The following CD226 variants were observed in gnomAD, a reference collection of about 807,000 sequenced individuals.
CD226 encodes the protein CD226 antigen.
Under a neutral mutation model 34.9 loss-of-function variants are expected in CD226, and 24 were observed. The observed-to-expected ratio is 0.69, with a 90% CI of 0.50 to 0.97. The LOEUF is 0.97. Ranked by LOEUF, CD226 falls within the 50% of genes least tolerant of loss-of-function variation. CD226 has a pLI of 0.00. For missense variants in CD226, 397 were observed against 412.7 expected, an observed-to-expected ratio of 0.96 and a Z score of 0.33; for synonymous variants, 148 against 147.4, an observed-to-expected ratio of 1.00 and a Z score of -0.03.
chr18:69,914,324 A>G (rs920978774), intron 2 of CD226, among the ~76,000 whole-genome samples: 1 of 152,206 alleles, frequency 6.6e-6, no homozygotes, highest in South Asian at 2.1e-4. Flanking sequence ...GACAAAGAGG[A>G]GCTTGGTTCA....
intron 2 of CD226, among the ~76,000 whole-genome samples, chr18:69,925,146 G>A (rs2055506342): frequency 6.6e-6 from 1 of 152,174 alleles, no homozygotes; most frequent in African/African-American, 2.4e-5. Context: ...ATGCACTTCC[G>A]ATATTTGCAA....
chr18:69,930,998 G>A (rs2055582433), intron 2 of CD226, among the ~76,000 whole-genome samples: 1 of 152,090 alleles, frequency 6.6e-6, no homozygotes, highest in Non-Finnish European at 1.5e-5. Context: ...GTCCAACAAC[G>A]ATAGACTGGA....
rs1325042170 is a variant in CD226 at position 69,855,246 on chromosome 18, ATATGT to A, written c.*9063_*9067del. The A allele has an allele frequency of 2.6e-5, 4 of 152,226 alleles. No individual in the cohort carries two copies. The highest frequency in any genetic ancestry group is 5.9e-5 in the Non-Finnish European group (4 of 68,042). 9.4% of individuals were successfully genotyped at this position (152,226 alleles called of 1,614,324 possible). ...TTATCAGACATGGAACTTATCATTA[ATATGT>A]TAAGAGCTCTCATGAAAAAAATAGA... On this transcript the variant is annotated 3_prime_UTR_variant, in exon 6 of 6. Transcript: ENST00000582621.
chr18:69,914,394 T>G (rs897862164), intron 2 of CD226, among the ~76,000 whole-genome samples: 1 of 152,218 alleles, frequency 6.6e-6, no homozygotes. Flanking sequence ...AATTATTCCA[T>G]TGAGTTCATG....
chr18:69,867,242 T>C, intron 5 of CD226, 115 bp downstream of exon 5: 1 of 678,458 alleles, frequency 1.5e-6, no homozygotes, highest in Non-Finnish European at 2.6e-6. Context: ...TACAGGCAAC[T>C]GCATGGTCAG....
intron 5 of CD226, among the ~76,000 whole-genome samples, chr18:69,865,401 C>A (rs1983078619): frequency 6.6e-6 from 1 of 151,152 alleles, no homozygotes; most frequent in Admixed American, 6.6e-5. Context: ...CTTTTTTTGA[C>A]AGTCCAACCT....
At chr18:69,941,740 G>A (rs1209251416) in intron 2 of CD226, among the ~76,000 whole-genome samples, 1 of 152,192 alleles carries the variant, frequency 6.6e-6, no homozygotes, top group Non-Finnish European at 1.5e-5. Flanking sequence ...TGGACTTTCA[G>A]TTAATGCTGG....
intron 3 of CD226, among the ~76,000 whole-genome samples, chr18:69,884,300 T>C (rs1285386731): frequency 6.6e-6 from 1 of 152,172 alleles, no homozygotes; most frequent in Admixed American, 6.5e-5. Context: ...TCAGCAAGCA[T>C]ACCAGATGAT....
chr18:69,886,504 G>A (rs538390812), intron 3 of CD226, among the ~76,000 whole-genome samples: 102 of 152,228 alleles, frequency 6.7e-4, no homozygotes, highest in African/African-American at 2.4e-3. Context: ...TCAGGACTTC[G>A]AGACCAGCTT....
intron 2 of CD226, among the ~76,000 whole-genome samples, chr18:69,911,854 G>A (rs1385555805): frequency 6.6e-6 from 1 of 152,142 alleles, no homozygotes; most frequent in African/African-American, 2.4e-5. Context: ...GTGTGCATAT[G>A]TGTGTGTGTA....
intron 3 of CD226, 81 bp downstream of exon 3, chr18:69,895,620 A>ATGT: frequency 2.3e-5 from 23 of 985,916 alleles, no homozygotes; most frequent in Non-Finnish European, 3.6e-5. Context: ...GAACATGTTT[A>ATGT]CCATAAATAA....
In CD226 at chr18:69,946,900, C is replaced by T. The variant is rs1308138662; in HGVS notation, c.216G>A (p.Arg72=). The T allele has an allele frequency of 3.1e-6, 5 of 1,614,026 alleles. No homozygotes were observed. The highest frequency in any genetic ancestry group is 1.1e-5 in the South Asian group (1 of 91,084). Residue 72 remains arginine (R), a synonymous_variant, in exon 2 of 6, where the codon AGG becomes AGA. Transcript: ENST00000582621. ...AGTAAACCCTCTCAGCATAGGGCTT[C>T]CTTATGACCATGCCATGAGTAGGGC... The part of the protein sequence containing the change: ...IFSPTHGMVI[R]KPYAERVYFL...
chr18:69,922,229 T>C (rs1599011205), intron 2 of CD226, among the ~76,000 whole-genome samples: 1 of 152,310 alleles, frequency 6.6e-6, no homozygotes, highest in East Asian at 1.9e-4. Context: ...GAATGGCAAA[T>C]GATTTCATTG....
intron 3 of CD226, among the ~76,000 whole-genome samples, chr18:69,892,780 T>C (rs1347677648): frequency 7.7e-6 from 1 of 129,994 alleles, no homozygotes; most frequent in Non-Finnish European, 1.7e-5. Flanking sequence ...TGTGTGTGCA[T>C]GTGTGTGTGT....
intron 3 of CD226, among the ~76,000 whole-genome samples, chr18:69,883,815 A>G (rs1419848513): frequency 6.6e-6 from 1 of 152,258 alleles, no homozygotes; most frequent in African/African-American, 2.4e-5. Context: ...AAGGCAACCA[A>G]CACACTATTT....
At position 69,947,384 on chromosome 18, in the gene CD226, AAAAGT is replaced by A. The variant is rs1386363257; in HGVS notation, c.18_22del (p.Leu6PhefsTer12). 3.1e-6 allele frequency: 5 copies of A among 1,587,976 alleles called. No individual in the cohort carries two copies. The highest frequency in any genetic ancestry group is 1.4e-5 in the African/African-American group (1 of 73,436). ...ACCTCTGTATACATGAAGAAGAGCC[AAAAGT>A]AAAGTAGGATAATCCATCTCTGGAA... On this transcript the variant is annotated frameshift_variant, in exon 1 of 6. Coordinates refer to ENST00000582621, the MANE Select transcript of CD226 (RefSeq NM_001303618.2). LOFTEE classifies it high-confidence loss of function.
chr18:69,945,955 T>C (rs888741661), intron 2 of CD226, among the ~76,000 whole-genome samples: 2 of 151,760 alleles, frequency 1.3e-5, no homozygotes, highest in African/African-American at 4.8e-5. Flanking sequence ...TGCACTATCA[T>C]GAGGACAGCA....
intron 2 of CD226, among the ~76,000 whole-genome samples, chr18:69,899,370 A>T (rs968086193): frequency 1.3e-5 from 2 of 152,230 alleles, no homozygotes; most frequent in Non-Finnish European, 2.9e-5. Context: ...TTTTACTGTC[A>T]GCTTCGTAAA....
intron 4 of CD226, among the ~76,000 whole-genome samples, chr18:69,868,770 C>A (rs549968010): frequency 6.6e-6 from 1 of 151,702 alleles, no homozygotes; most frequent in African/African-American, 2.4e-5. Flanking sequence ...CCCAAATGCA[C>A]GCACATGCAC....
Sources: gnomAD v4.1 joint callset for allele counts (sites outside exome capture counted in the v4.1 genomes callset) on GRCh38, gnomAD v4.1.1 for gene constraint, MANE v1.5 for transcripts, NCBI Gene and HGNC (gene_info 2026-07-23, HGNC 2026-07-21) for gene names.